Variants in SNTB2 observed in about 807,000 individuals in gnomAD.
The protein encoded by SNTB2 is beta-2-syntrophin.
SNTB2 carries 34 observed loss-of-function variants against 46.2 expected under a neutral mutation model. The observed-to-expected ratio is 0.74, with a 90% confidence interval of 0.56 to 0.98. The LOEUF is 0.98. Ranked by LOEUF, SNTB2 falls within the 50% of genes least tolerant of loss-of-function variation. The pLI is 0.00. For missense variants in SNTB2, 603 were observed against 731.4 expected, an observed-to-expected ratio of 0.82 and a Z score of 2.02; for synonymous variants, 290 against 312.6, an observed-to-expected ratio of 0.93 and a Z score of 0.76.
chr16:69,292,505 G>A (rs535756193), intron 5 of SNTB2, among the ~76,000 whole-genome samples: 6 of 136,568 alleles, frequency 4.4e-5, no homozygotes, highest in African/African-American at 8.4e-5. Context: ...GCAATGGCAC[G>A]ATCTTGGCTC....
chr16:69,239,574 G>A (rs1024447079), intron 1 of SNTB2, among the ~76,000 whole-genome samples: 14 of 151,890 alleles, frequency 9.2e-5, no homozygotes, highest in Admixed American at 9.2e-4. Context: ...GTCAAGGCAG[G>A]GTCTCGCTCT....
intron 1 of SNTB2, among the ~76,000 whole-genome samples, chr16:69,224,368 C>A (rs887220558): frequency 1.3e-5 from 2 of 151,976 alleles, no homozygotes; most frequent in South Asian, 4.1e-4. Flanking sequence ...CGCGCCACCA[C>A]GCCCGGCTGA....
At chr16:69,299,534 A>T in intron 5 of SNTB2, 56 bp from the exon 6 acceptor site, 3 of 1,535,776 alleles carry the variant, frequency 2.0e-6, no homozygotes, top group South Asian at 1.1e-5. Flanking sequence ...TTCCCTTTTC[A>T]CTTGATAACT....
At chr16:69,287,992 A>G (rs941219050) in intron 5 of SNTB2, among the ~76,000 whole-genome samples, 11 of 151,918 alleles carry the variant, frequency 7.2e-5, no homozygotes, top group African/African-American at 1.7e-4. Context: ...CCTGGGCAAC[A>G]TGGTGAAACC....
rs1965323581 is a variant in SNTB2, at chr16:69,307,294, T to A, written c.*6370T>A. 1 of 152,250 alleles carries A rather than the reference T, an allele frequency of 6.6e-6. No individual in the cohort carries two copies. The highest frequency in any genetic ancestry group is 1.5e-5 in the Non-Finnish European group (1 of 68,050). The allele number at this position is 152,250 out of a possible 1,614,324, so 9.4% of individuals were successfully genotyped here. A position where few individuals can be genotyped will look rare whatever the true frequency, so the allele number is the denominator to read the frequency against. ...TGGATCTGGCAAACTGGAAAATGTT[T>A]GAAGGGATACTCAGGCTTTGATCCA... On this transcript the variant is annotated 3_prime_UTR_variant, in exon 7 of 7. Coordinates refer to ENST00000336278, the MANE Select transcript of SNTB2 (RefSeq NM_006750.4).
intron 3 of SNTB2, among the ~76,000 whole-genome samples, chr16:69,269,640 TG>T (rs1286938256): frequency 6.6e-6 from 1 of 152,266 alleles, no homozygotes; most frequent in Admixed American, 6.5e-5. Context: ...ACTCTATTAT[TG>T]TAAGTCTTGA....
chr16:69,231,499 G>A (rs554874006), intron 1 of SNTB2, among the ~76,000 whole-genome samples: 1 of 152,316 alleles, frequency 6.6e-6, no homozygotes, highest in South Asian at 2.1e-4. Flanking sequence ...TGAGGCAGGA[G>A]AATTGCTTGA....
chr16:69,280,522 G>A (rs1359518724), intron 4 of SNTB2, among the ~76,000 whole-genome samples: 41 of 149,154 alleles, frequency 2.7e-4, no homozygotes, highest in Admixed American at 2.6e-3. Context: ...CGGATGGGGC[G>A]GCTGGCCGGG....
intron 5 of SNTB2, among the ~76,000 whole-genome samples, chr16:69,284,927 A>G (rs1412002372): frequency 6.6e-6 from 1 of 152,146 alleles, no homozygotes; most frequent in African/African-American, 2.4e-5. Context: ...AGATACACGA[A>G]TGCTTACCAT....
intron 1 of SNTB2, among the ~76,000 whole-genome samples, chr16:69,214,803 A>T (rs945868849): frequency 1.3e-5 from 2 of 151,894 alleles, no homozygotes; most frequent in African/African-American, 2.4e-5. Flanking sequence ...CTGGGATTAC[A>T]GACGTGAGCC....
chr16:69,202,348 A>G lies in SNTB2; in HGVS notation c.580+14602A>G, dbSNP rs78239478. Among the ~76,000 whole-genome samples the G allele has an allele frequency of 1.1e-4, 16 of 150,912 alleles. No homozygotes were observed. The East Asian group carries it at 2.5e-3, about 24-fold the overall frequency. On this transcript the variant is annotated intron_variant, in intron 1 of 6. Coordinates refer to ENST00000336278, the MANE Select transcript of SNTB2 (RefSeq NM_006750.4). The stretch of plus-strand genomic sequence containing the variant: ...TTCTTAGTTTATAATGGAAAATAGT[A>G]TGGTAGTTACTATTCATACTAAATG...
intron 1 of SNTB2, among the ~76,000 whole-genome samples, chr16:69,234,998 C>T (rs1450240752): frequency 1.3e-5 from 2 of 152,024 alleles, no homozygotes; most frequent in Non-Finnish European, 2.9e-5. Flanking sequence ...CCACTGCGCC[C>T]GGCTCTCAAC....
chr16:69,290,417 T>G (rs555470500), intron 5 of SNTB2, among the ~76,000 whole-genome samples: 6 of 152,280 alleles, frequency 3.9e-5, no homozygotes, highest in African/African-American at 1.4e-4. Flanking sequence ...ATATGAAGAC[T>G]AAGAAGCAGT....
chr16:69,289,702 G>A (rs1351678438), intron 5 of SNTB2, among the ~76,000 whole-genome samples: 1 of 152,148 alleles, frequency 6.6e-6, no homozygotes, highest in Admixed American at 6.6e-5. Flanking sequence ...TTGGGAGGCT[G>A]AGGCAGGTGG....
chr16:69,257,489 C>G (rs910680723), intron 2 of SNTB2, among the ~76,000 whole-genome samples: 1 of 151,636 alleles, frequency 6.6e-6, no homozygotes, highest in Non-Finnish European at 1.5e-5. Flanking sequence ...CTCTGCTGCC[C>G]AGGCTGGAGT....
At chr16:69,226,520 T>C (rs1301601160) in intron 1 of SNTB2, among the ~76,000 whole-genome samples, 2 of 152,234 alleles carry the variant, frequency 1.3e-5, no homozygotes, top group African/African-American at 2.4e-5. Context: ...TTATGATAGA[T>C]AAGACTTCAT....
At position 69,299,393 on chromosome 16, in the gene SNTB2, G is replaced by T. The variant is rs572940859; in HGVS notation, c.1346-197G>T. On this transcript the variant is annotated intron_variant, in intron 5 of 6. Transcript: ENST00000336278. The stretch of plus-strand genomic sequence containing the variant: ...CCTGACTTTGCGATCCGCCTGCCTC[G>T]GCCTCCCAAAGTGCTGGGATTACAG... 2.0e-5 allele frequency among the ~76,000 whole-genome samples: 3 copies of T among 152,106 alleles called. No homozygotes were observed. The East Asian group carries it at 5.8e-4, about 29-fold the overall frequency.
chr16:69,216,322 A>G (rs1964347038), intron 1 of SNTB2, among the ~76,000 whole-genome samples: 1 of 152,198 alleles, frequency 6.6e-6, no homozygotes, highest in Non-Finnish European at 1.5e-5. Context: ...ATTATTTTTC[A>G]CAAGTTAATT....
At chr16:69,223,495 A>G (rs1267567061) in intron 1 of SNTB2, among the ~76,000 whole-genome samples, 1 of 151,724 alleles carries the variant, frequency 6.6e-6, no homozygotes, top group Non-Finnish European at 1.5e-5. Flanking sequence ...ACACCCAGCC[A>G]ACATTAGTAT....
Sources: allele counts gnomAD v4.1 joint callset (sites outside exome capture counted in the v4.1 genomes callset), GRCh38; gene constraint gnomAD v4.1.1; transcripts MANE v1.5; gene names NCBI Gene and HGNC (gene_info 2026-07-23, HGNC 2026-07-21).